BABAM2: variants seen among roughly 807,000 people sequenced by gnomAD.
BABAM2 encodes the protein BRISC and BRCA1 A complex member 2.
A neutral mutation model predicts 54.7 loss-of-function variants in BABAM2; 31 were observed. That is an observed-to-expected ratio of 0.57 (90% CI 0.43 to 0.77). The LOEUF is 0.77. Ranked by LOEUF, BABAM2 falls within the 30% of genes least tolerant of loss-of-function variation. BABAM2 has a pLI of 0.00. For missense variants in BABAM2, 364 were observed against 455.8 expected (o/e 0.80, Z 1.83); for synonymous variants, 167 against 162.9 (o/e 1.03, Z -0.19).
intron 7 of BABAM2, among the ~76,000 whole-genome samples, chr2:28,179,519 T>C (rs1380714496): frequency 1.3e-5 from 2 of 152,090 alleles, no homozygotes; most frequent in Non-Finnish European, 2.9e-5. Context: ...ATAGCTAATA[T>C]CATACCAAAT....
intron 2 of BABAM2, among the ~76,000 whole-genome samples, chr2:27,914,381 T>C (rs1396813507): frequency 6.6e-6 from 1 of 152,218 alleles, no homozygotes; most frequent in African/African-American, 2.4e-5. Flanking sequence ...TCATGTTTGA[T>C]AGTTCTTTCT....
At chr2:28,189,610 A>G (rs541595480) in intron 7 of BABAM2, among the ~76,000 whole-genome samples, 3 of 152,216 alleles carry the variant, frequency 2.0e-5, no homozygotes, top group Middle Eastern at 6.3e-3. Flanking sequence ...ACCAAAAAGT[A>G]TAAAAGATAA....
In BABAM2 at chr2:27,995,188, C is replaced by G. The variant is rs1437247515; in HGVS notation, c.300+7101C>G. 6.6e-6 allele frequency among the ~76,000 whole-genome samples: 1 copy of G among 152,118 alleles called. No homozygotes were observed. Among genetic ancestry groups the G allele is most frequent in the East Asian group, 1.9e-4 (1 of 5,184 alleles). On this transcript the variant is annotated intron_variant, in intron 4 of 11. Transcript: ENST00000379624. This position sits in a 1 kb window ranked among gnomAD's most constrained non-coding sequence, Gnocchi z 4.1. ...GTGGGCCAGAATTGGTGCAGGTGGCCTACTGGGTGCTGGTAAGCCAGAGCT... is the reference window on the plus strand; with the variant it reads ...GTGGGCCAGAATTGGTGCAGGTGGCGTACTGGGTGCTGGTAAGCCAGAGCT...
intron 7 of BABAM2, among the ~76,000 whole-genome samples, chr2:28,211,875 A>G (rs1210187369): frequency 7.2e-5 from 11 of 152,194 alleles, no homozygotes; most frequent in Non-Finnish European, 1.3e-4. Flanking sequence ...CTTTACTGCC[A>G]TTTAACTCAG....
chr2:27,926,293 C>T (rs928350011), intron 2 of BABAM2, among the ~76,000 whole-genome samples: 3 of 152,110 alleles, frequency 2.0e-5, no homozygotes, highest in African/African-American at 4.8e-5. Flanking sequence ...CCTTCTCTCC[C>T]TCATTTACTG....
chr2:28,310,863 G>A (rs1689015128), intron 11 of BABAM2, among the ~76,000 whole-genome samples: 1 of 151,916 alleles, frequency 6.6e-6, no homozygotes, highest in Admixed American at 6.6e-5. Flanking sequence ...CTGCCAGGGT[G>A]ACAGAGCAAG....
rs1572448240 is a variant in BABAM2 at position 28,338,674 on chromosome 2, A to G, written c.*161A>G. The G allele has an allele frequency of 1.3e-6, 1 of 741,838 alleles. No homozygotes were observed. The highest frequency in any genetic ancestry group is 2.7e-5 in the East Asian group (1 of 36,826). The allele number at this position is 741,838 out of a possible 1,614,324, so 46.0% of individuals were successfully genotyped here. ...AGGCAGCCCCGACTGCTGAAATCCA[A>G]CTTGAGCTGGCTGGTGGTCCCTGGA... On this transcript the variant is annotated 3_prime_UTR_variant, in exon 12 of 12. Transcript: ENST00000379624.
intron 4 of BABAM2, among the ~76,000 whole-genome samples, chr2:28,000,074 A>G (rs1168543740): frequency 6.6e-6 from 1 of 152,154 alleles, no homozygotes; most frequent in East Asian, 1.9e-4. Context: ...AGCTTCCCCT[A>G]TTGTTAATAT....
At chr2:27,938,050 A>G (rs1668613842) in intron 3 of BABAM2, among the ~76,000 whole-genome samples, 1 of 152,280 alleles carries the variant, frequency 6.6e-6, no homozygotes, top group South Asian at 2.1e-4. Flanking sequence ...AACACCATTT[A>G]TTGAAGAGAC....
At chr2:28,161,759 A>G (rs905469844) in intron 7 of BABAM2, among the ~76,000 whole-genome samples, 7 of 152,164 alleles carry the variant, frequency 4.6e-5, no homozygotes, top group Non-Finnish European at 1.0e-4. Context: ...AAAGTCTTGC[A>G]CAGCAGTTAC....
chr2:27,889,619 T>G (rs1664661937), upstream of BABAM2, among the ~76,000 whole-genome samples: 1 of 152,234 alleles, frequency 6.6e-6, no homozygotes, highest in Admixed American at 6.5e-5. Context: ...CTATCATAAT[T>G]TGATCATCGT....
chr2:27,917,319 A>G (rs1335908418), intron 2 of BABAM2, among the ~76,000 whole-genome samples: 1 of 152,072 alleles, frequency 6.6e-6, no homozygotes, highest in East Asian at 1.9e-4. Context: ...CCCGGCCCAA[A>G]GTGTTTTTTT....
At chr2:27,916,779 A>G (rs1027141081) in intron 2 of BABAM2, among the ~76,000 whole-genome samples, 6 of 152,174 alleles carry the variant, frequency 3.9e-5, no homozygotes, top group African/African-American at 1.4e-4. Context: ...TTCCTTGGTT[A>G]CCCAAGCTAA....
rs1475660777 is a variant in BABAM2 at position 28,316,401 on chromosome 2, GGTGGGA to G, written c.1088+17916_1088+17921del. Among the ~76,000 whole-genome samples, 616 of 132,144 alleles carry G rather than the reference GGTGGGA, an allele frequency of 4.7e-3. 11 individuals are homozygous for G. Among genetic ancestry groups the G allele is most frequent in the African/African-American group, 0.017 (578 of 34,706 alleles). The allele number at this position is 132,144 out of a possible 152,430, so 86.7% of individuals were successfully genotyped here. The stretch of plus-strand genomic sequence containing the variant: ...GAGTGGGAGTGGGAGTGGAAATGGG[GGTGGGA>G]GTGGGGGTGGGGGTGGGGGTGGGGG... On this transcript the variant is annotated intron_variant, in intron 11 of 11. Transcript: ENST00000379624.
intron 5 of BABAM2, among the ~76,000 whole-genome samples, chr2:28,036,984 C>T (rs1391231331): frequency 6.6e-6 from 1 of 152,032 alleles, no homozygotes; most frequent in African/African-American, 2.4e-5. Context: ...AGTATGTGCT[C>T]AGTAAATATT....
In BABAM2 at chr2:27,993,837, T is replaced by G. The variant is rs192690051; in HGVS notation, c.300+5750T>G. ...ACCAATGCCTTGTCACTTTTCCTCC[T>G]GTGCTCTTCATTGTGCTACCTACAG... On this transcript the variant is annotated intron_variant, in intron 4 of 11. Transcript: ENST00000379624. 3.1e-3 allele frequency among the ~76,000 whole-genome samples: 479 copies of G among 152,316 alleles called. 1 individual carries two copies. Among genetic ancestry groups the G allele is most frequent in the Non-Finnish European group, 4.9e-3 (335 of 68,034 alleles).
intron 11 of BABAM2, among the ~76,000 whole-genome samples, chr2:28,312,068 A>G (rs1393307631): frequency 6.6e-6 from 1 of 152,220 alleles, no homozygotes; most frequent in Non-Finnish European, 1.5e-5. Context: ...AGGGCTGCTC[A>G]GGGCTGTCAT....
intron 10 of BABAM2, among the ~76,000 whole-genome samples, chr2:28,259,651 A>C (rs1248271232): frequency 6.6e-6 from 1 of 152,202 alleles, no homozygotes; most frequent in Admixed American, 6.5e-5. Flanking sequence ...CTGCTTAAAA[A>C]ATTCTTGCCT....
At chr2:28,066,212 C>T (rs890737084) in intron 6 of BABAM2, among the ~76,000 whole-genome samples, 2 of 151,084 alleles carry the variant, frequency 1.3e-5, no homozygotes, top group Non-Finnish European at 2.9e-5. Context: ...AAAACAGCCA[C>T]GATAATTTAT....
Sources: allele counts gnomAD v4.1 joint callset (sites outside exome capture counted in the v4.1 genomes callset), GRCh38; gene constraint gnomAD v4.1.1; non-coding constraint Gnocchi (gnomAD v3.1); transcripts MANE v1.5; gene names NCBI Gene and HGNC (gene_info 2026-07-23, HGNC 2026-07-21).